The following TNFAIP8 variants were observed in gnomAD, a reference collection of about 807,000 sequenced individuals.
TNFAIP8 encodes the protein tumor necrosis factor alpha-induced protein 8.
Under a neutral mutation model 13.3 loss-of-function variants are expected in TNFAIP8, and 7 were observed. The observed-to-expected ratio is 0.52, with a 90% CI of 0.30 to 0.99. The LOEUF (loss-of-function observed/expected upper bound fraction) is 0.99, where lower values mean the gene tolerates loss of function less well. Among genes scored for constraint, TNFAIP8 ranks in the 50% least tolerant of loss-of-function variants. The pLI is 0.07. For missense variants in TNFAIP8, 258 were observed against 236.9 expected, an observed-to-expected ratio of 1.09 and a Z score of -0.58; for synonymous variants, 94 against 87.6, an observed-to-expected ratio of 1.07 and a Z score of -0.41.
At chr5:119,307,640 T>C (rs1483587205) in intron 1 of TNFAIP8, among the ~76,000 whole-genome samples, 1 of 152,260 alleles carries the variant, frequency 6.6e-6, no homozygotes. Context: ...ATTGGAGATA[T>C]GTTGTATAAT....
chr5:119,299,010 A>G (rs1346891111), intron 1 of TNFAIP8, among the ~76,000 whole-genome samples: 1 of 152,096 alleles, frequency 6.6e-6, no homozygotes, highest in Admixed American at 6.5e-5. Flanking sequence ...ACATTCTTCT[A>G]AATTTTTTTC....
At chr5:119,342,256 AG>A in intron 1 of TNFAIP8, among the ~76,000 whole-genome samples, 1 of 152,234 alleles carries the variant, frequency 6.6e-6, no homozygotes, top group Non-Finnish European at 1.5e-5. Context: ...TCTCAGAGAT[AG>A]CACCTTGTGT....
chr5:119,367,587 T>C (rs1285031581), intron 1 of TNFAIP8, among the ~76,000 whole-genome samples: 1 of 152,224 alleles, frequency 6.6e-6, no homozygotes, highest in Non-Finnish European at 1.5e-5. Flanking sequence ...GTTAGCCAGA[T>C]TTTTAAAAAA....
chr5:119,275,672 A>G (rs1748420284), intron 1 of TNFAIP8, among the ~76,000 whole-genome samples: 1 of 151,976 alleles, frequency 6.6e-6, no homozygotes, highest in South Asian at 2.1e-4. Context: ...CTTCTTTTGC[A>G]TTTTGGGTTT....
At chr5:119,309,510 C>A (rs1749666916) in intron 1 of TNFAIP8, among the ~76,000 whole-genome samples, 1 of 151,774 alleles carries the variant, frequency 6.6e-6, no homozygotes, top group Non-Finnish European at 1.5e-5. Context: ...AAAAGGGATT[C>A]CCTTTCAACA....
At chr5:119,385,038 G>C (rs1752618872) in intron 1 of TNFAIP8, among the ~76,000 whole-genome samples, 1 of 152,180 alleles carries the variant, frequency 6.6e-6, no homozygotes, top group Admixed American at 6.5e-5. Context: ...GCTTCATCCT[G>C]TTTTCTTCAA....
chr5:119,350,346 G>A (rs1751076028), intron 1 of TNFAIP8, among the ~76,000 whole-genome samples: 1 of 152,192 alleles, frequency 6.6e-6, no homozygotes, highest in South Asian at 2.1e-4. Context: ...TAAAGCATAT[G>A]GGATGATATA....
intron 1 of TNFAIP8, among the ~76,000 whole-genome samples, chr5:119,278,813 A>G (rs1285837850): frequency 6.6e-6 from 1 of 152,196 alleles, no homozygotes; most frequent in Non-Finnish European, 1.5e-5. Flanking sequence ...AGGTGTTGAA[A>G]ATCACATATA....
intron 1 of TNFAIP8, among the ~76,000 whole-genome samples, chr5:119,277,554 T>C (rs992174814): frequency 4.6e-5 from 7 of 152,232 alleles, no homozygotes; most frequent in Non-Finnish European, 1.0e-4. Context: ...CAAATTGGAT[T>C]GGGGACCACC....
intron 1 of TNFAIP8, among the ~76,000 whole-genome samples, chr5:119,388,844 A>T (rs934139548): frequency 6.8e-6 from 1 of 146,284 alleles, no homozygotes; most frequent in African/African-American, 2.5e-5. Context: ...GGGTCTTGCT[A>T]TGTTGCCCAG....
chr5:119,378,796 G>A (rs192762122), intron 1 of TNFAIP8, among the ~76,000 whole-genome samples: 141 of 152,292 alleles, frequency 9.3e-4, no homozygotes, highest in Admixed American at 1.5e-3. Flanking sequence ...AAAGGTGGCT[G>A]GGCGCAGTGG....
chr5:119,380,936 A>T (rs1304406854), intron 1 of TNFAIP8, among the ~76,000 whole-genome samples: 1 of 152,182 alleles, frequency 6.6e-6, no homozygotes, highest in Non-Finnish European at 1.5e-5. Flanking sequence ...CTTGAGAGGG[A>T]ATTAAATCTG....
intron 1 of TNFAIP8, among the ~76,000 whole-genome samples, chr5:119,271,660 A>G (rs981565177): frequency 1.3e-5 from 2 of 152,186 alleles, no homozygotes; most frequent in South Asian, 4.1e-4. Context: ...GACTTTGGCA[A>G]TGGCGACATG....
chr5:119,290,637 A>G (rs1484613971), intron 1 of TNFAIP8, among the ~76,000 whole-genome samples: 1 of 152,186 alleles, frequency 6.6e-6, no homozygotes, highest in Non-Finnish European at 1.5e-5. Context: ...ACACAAAAGA[A>G]TGAATATCAG....
rs1436312113 is a variant in TNFAIP8, at chr5:119,326,316, G to C, written c.1+57409G>C. Among the ~76,000 whole-genome samples the C allele has an allele frequency of 2.0e-5, 3 of 152,214 alleles. 1 individual carries two copies. Among genetic ancestry groups the C allele is most frequent in the African/African-American group, 7.2e-5 (3 of 41,446 alleles). On this transcript the variant is annotated intron_variant, in intron 1 of 1. Transcript: ENST00000274456. Reference sequence around the variant, plus strand: ...AGTGTCCAAATATCACGGAGATGCAGGAGTGGGAGCAGTGACTGGCTACAG... The same window carrying C: ...AGTGTCCAAATATCACGGAGATGCACGAGTGGGAGCAGTGACTGGCTACAG...
chr5:119,348,140 G>A lies in TNFAIP8; in HGVS notation c.2-44676G>A, dbSNP rs544009928. Among the ~76,000 whole-genome samples the A allele has an allele frequency of 5.3e-5, 8 of 152,306 alleles. No individual in the cohort carries two copies. The East Asian group carries it at 1.4e-3, about 26-fold the overall frequency. ...TGCCCCCTTGGAGTGAGCACACTGA[G>A]GAGAAAGATTATCACTGGGTGTCTT... On this transcript the variant is annotated intron_variant, in intron 1 of 1. Transcript: ENST00000274456.
intron 1 of TNFAIP8, among the ~76,000 whole-genome samples, chr5:119,389,323 C>G (rs1318665230): frequency 6.6e-6 from 1 of 152,094 alleles, no homozygotes; most frequent in Non-Finnish European, 1.5e-5. Context: ...AAAATGAGTC[C>G]AGAAAAGAGG....
chr5:119,296,930 T>C (rs1478794802), intron 1 of TNFAIP8, among the ~76,000 whole-genome samples: 1 of 152,094 alleles, frequency 6.6e-6, no homozygotes, highest in African/African-American at 2.4e-5. Flanking sequence ...GTTTGTAGTA[T>C]TCTCTGATGG....
chr5:119,295,865 C>A (rs1314605862), intron 1 of TNFAIP8, among the ~76,000 whole-genome samples: 1 of 151,674 alleles, frequency 6.6e-6, no homozygotes, highest in Non-Finnish European at 1.5e-5. Flanking sequence ...AAGTTGGATT[C>A]CTAGGTATTT....
Sources: allele counts gnomAD v4.1 joint callset (sites outside exome capture counted in the v4.1 genomes callset), GRCh38; gene constraint gnomAD v4.1.1; transcripts MANE v1.5; gene names NCBI Gene and HGNC (gene_info 2026-07-23, HGNC 2026-07-21).